The following PLXNA1 variants were observed in gnomAD, a reference collection of about 807,000 sequenced individuals.
PLXNA1 encodes the protein plexin A1, also known as plexin-A1.
PLXNA1 carries 77 observed loss-of-function variants against 191.7 expected under a neutral mutation model. The observed-to-expected ratio is 0.40, with a 90% CI of 0.33 to 0.49. The LOEUF (loss-of-function observed/expected upper bound fraction) is 0.49. PLXNA1 is among the 20% of genes least tolerant of loss of function. PLXNA1 has a pLI of 0.63. For missense variants in PLXNA1, 2,110 were observed against 2,660.2 expected (o/e 0.79, Z 4.55); for synonymous variants, 1,137 against 1,156.4 (o/e 0.98, Z 0.34).
intron 8 of PLXNA1, among the ~76,000 whole-genome samples, chr3:127,007,578 G>A (rs533311615): frequency 5.3e-5 from 8 of 152,186 alleles, no homozygotes; most frequent in Non-Finnish European, 1.2e-4. Flanking sequence ...GCAAGAAGGT[G>A]GGGAGGCAAG....
At chr3:127,018,608 C>T (rs980260757) in intron 20 of PLXNA1, 80 bp downstream of exon 20, 18 of 1,062,642 alleles carry the variant, frequency 1.7e-5, no homozygotes, top group East Asian at 1.0e-4. Context: ...TACTTCCCAC[C>T]GCCGCCCCCA....
intron 3 of PLXNA1, among the ~76,000 whole-genome samples, chr3:126,996,515 G>A (rs1241948054): frequency 6.6e-6 from 1 of 152,208 alleles, no homozygotes; most frequent in Non-Finnish European, 1.5e-5. Context: ...AGCCTCTTCA[G>A]GTCTGTAGTG....
At chr3:127,013,381 C>T (rs1246786588) in intron 10 of PLXNA1, among the ~76,000 whole-genome samples, 3 of 152,254 alleles carry the variant, frequency 2.0e-5, no homozygotes, top group South Asian at 2.1e-4. Flanking sequence ...GATGAATTGC[C>T]GGGCCGCCCC....
chr3:126,988,850 C>T lies in PLXNA1; in HGVS notation c.257C>T (p.Thr86Met), dbSNP rs772775949. The T allele has an allele frequency of 9.3e-6, 15 of 1,613,390 alleles. No individual in the cohort carries two copies. Among genetic ancestry groups the T allele is most frequent in the Non-Finnish European group, 1.2e-5 (14 of 1,179,996 alleles). Residue 86 changes from threonine to methionine, a missense_variant, in exon 2 of 32, where the codon ACG becomes ATG. This residue lies in a region of PLXNA1 where 903 missense variants were observed against 1,015.7 expected (regional missense o/e 0.89). Transcript: ENST00000393409. ...GNLTLLRAHVTGPVEDNEKCY... is the reference protein window; with the variant it reads ...GNLTLLRAHVMGPVEDNEKCY... Reference sequence around the variant, plus strand: ...CTGACACTGCTGCGGGCCCACGTCACGGGCCCTGTGGAGGACAACGAGAAG... The same window carrying T: ...CTGACACTGCTGCGGGCCCACGTCATGGGCCCTGTGGAGGACAACGAGAAG...
At chr3:127,013,600 C>T (rs114569222) in intron 10 of PLXNA1, among the ~76,000 whole-genome samples, 259 of 152,346 alleles carry the variant, frequency 1.7e-3, no homozygotes, top group African/African-American at 5.9e-3. Flanking sequence ...TCCGGGGACA[C>T]GGATCTCCCA....
In PLXNA1 at chr3:127,032,435, G is replaced by C. The variant is rs1194481923; in HGVS notation, c.5280G>C (p.Val1760=). 8 of 1,613,992 alleles carry C rather than the reference G, an allele frequency of 5.0e-6. 1 individual carries two copies. The highest frequency in any genetic ancestry group is 1.7e-6 in the Non-Finnish European group (2 of 1,180,008). Residue 1760 remains valine, a synonymous_variant, in exon 30 of 32, where the codon GTG becomes GTC. Coordinates refer to ENST00000393409, the MANE Select transcript of PLXNA1 (RefSeq NM_032242.4). Reference sequence around the variant, plus strand: ...ACGTGATCAAGAACCCACAGTTTGTGTTCGACATTCACAAGAACAGCATCA... The same window carrying C: ...ACGTGATCAAGAACCCACAGTTTGTCTTCGACATTCACAAGAACAGCATCA... ...WVNVIKNPQF[V]FDIHKNSITD... is the part of the protein sequence containing the mutation.
In PLXNA1 at chr3:127,005,093, G is replaced by A. The variant is rs773489726; in HGVS notation, c.1747G>A (p.Val583Met). 5 of 1,612,594 alleles carry A rather than the reference G, an allele frequency of 3.1e-6. No individual in the cohort carries two copies. In the Admixed American group the frequency reaches 8.3e-5, roughly 27 times the overall value. Reference sequence around the variant, plus strand: ...ATGCCTCCTGCTGCCTGCCCAGCTTGTGCTGCAGGCCTGGAACGTGCCTGA... The same window carrying A: ...ATGCCTCCTGCTGCCTGCCCAGCTTATGCTGCAGGCCTGGAACGTGCCTGA... ...VSVTMSQVPLVLQAWNVPDLS... is the reference protein window; with the variant it reads ...VSVTMSQVPLMLQAWNVPDLS... The change falls in exon 7 of 32, where the codon GTG (valine) becomes ATG (methionine). Residue 583 changes from valine to methionine, a missense_variant. Around this residue, in one of 4 missense-constraint regions of PLXNA1, gnomAD observed 903 missense variants for 1,015.7 expected, o/e 0.89. Coordinates refer to ENST00000393409, the MANE Select transcript of PLXNA1 (RefSeq NM_032242.4).
Position 127,014,162 on chromosome 3 carries a change from G to T in PLXNA1, c.2411-20G>T. 6.2e-7 allele frequency: 1 copy of T among 1,612,002 alleles called. No individual in the cohort carries two copies. The highest frequency in any genetic ancestry group is 1.1e-5 in the South Asian group (1 of 91,022). The stretch of plus-strand genomic sequence containing the variant: ...GGTGGGCAGTGGGCGGGCCCGAGCT[G>T]ACCGCACCCCTCCCCACAGCGCACC... On this transcript the variant is annotated intron_variant, in intron 11 of 31. Transcript: ENST00000393409.
chr3:127,023,288 G>A (rs1443171443), intron 23 of PLXNA1, among the ~76,000 whole-genome samples: 2 of 152,216 alleles, frequency 1.3e-5, no homozygotes, highest in South Asian at 2.1e-4. Context: ...CAGGGTGTAG[G>A]CCAGAGACTG....
At chr3:127,027,841 C>T (rs1002095513) in intron 23 of PLXNA1, 99 bp from the exon 24 acceptor site, 24 of 1,525,612 alleles carry the variant, frequency 1.6e-5, no homozygotes, top group Non-Finnish European at 2.1e-5. Flanking sequence ...CTCATTTCTC[C>T]TTGCCAGGAA....
At chr3:127,027,198 T>C (rs540712916) in intron 23 of PLXNA1, 14 of 194,718 alleles carry the variant, frequency 7.2e-5, no homozygotes, top group Admixed American at 2.1e-4. Flanking sequence ...TTTCTGGTTG[T>C]AGAGGCAGCA....
intron 14 of PLXNA1, among the ~76,000 whole-genome samples, 156 bp downstream of exon 14, chr3:127,014,987 A>G (rs1273255740): frequency 6.6e-6 from 1 of 151,896 alleles, no homozygotes; most frequent in Non-Finnish European, 1.5e-5. Flanking sequence ...TGCCTAGGCC[A>G]GCTCCAGGGC....
chr3:127,013,410 C>T (rs2079105508), intron 10 of PLXNA1, among the ~76,000 whole-genome samples: 1 of 152,216 alleles, frequency 6.6e-6, no homozygotes, highest in Non-Finnish European at 1.5e-5. Flanking sequence ...GCTGGGCTCC[C>T]TGCACCGTCC....
In PLXNA1 at chr3:127,032,677, C is replaced by A; in HGVS notation, c.5445-9C>A. 6.2e-7 allele frequency: 1 copy of A among 1,612,744 alleles called. No homozygotes were observed. The highest frequency in any genetic ancestry group is 1.1e-5 in the South Asian group (1 of 91,038). On this transcript the variant is annotated splice_polypyrimidine_tract_variant and intron_variant, in intron 30 of 31. Coordinates refer to ENST00000393409, the MANE Select transcript of PLXNA1 (RefSeq NM_032242.4). ...CTGCTCATGTGCCCACCTGGCCACT[C>A]ACCTGCAGGTACTATGCAGACATCG...
At position 127,035,737 on chromosome 3, in the gene PLXNA1, C is replaced by T. The variant is rs1054089217; in HGVS notation, c.*1720C>T. 1 of 152,472 alleles carries T rather than the reference C, an allele frequency of 6.6e-6. No individual in the cohort carries two copies. The highest frequency in any genetic ancestry group is 6.5e-5 in the Admixed American group (1 of 15,286). The allele number at this position is 152,472 out of a possible 1,614,324, so 9.4% of individuals were successfully genotyped here. A position where few individuals can be genotyped will look rare whatever the true frequency, so the allele number is the denominator to read the frequency against. On this transcript the variant is annotated 3_prime_UTR_variant, in exon 32 of 32. Coordinates refer to ENST00000393409, the MANE Select transcript of PLXNA1 (RefSeq NM_032242.4). ...ACTGTGGCCAGACTCAGCCCCATGT[C>T]CTTGGCCAGGCCCAAGGAGAGGACT...
Position 126,991,371 on chromosome 3 carries a change from C to T in PLXNA1, c.1195-13C>T, listed in dbSNP as rs1187243553. On this transcript the variant is annotated splice_polypyrimidine_tract_variant and intron_variant, in intron 2 of 31. Transcript: ENST00000393409. Reference sequence around the variant, plus strand: ...TGCCCGGGGAGTGGCTCTCACCCTGCCCCTTCCCACAGCCCCTGCAGATCG... The same window carrying T: ...TGCCCGGGGAGTGGCTCTCACCCTGTCCCTTCCCACAGCCCCTGCAGATCG... 6.2e-7 allele frequency: 1 copy of T among 1,611,906 alleles called. No homozygotes were observed. The highest frequency in any genetic ancestry group is 1.1e-5 in the South Asian group (1 of 90,926).
chr3:127,022,651 G>A, intron 22 of PLXNA1, 101 bp from the exon 23 acceptor site: 2 of 1,098,294 alleles, frequency 1.8e-6, no homozygotes, highest in South Asian at 1.3e-5. Context: ...TGTAGGAAGG[G>A]GGGCAGGGTG....
Position 126,988,570 on chromosome 3 carries a change from C to T in PLXNA1, c.-24C>T, listed in dbSNP as rs1464682775. The T allele has an allele frequency of 2.9e-5, 42 of 1,463,286 alleles. No homozygotes were observed. Among genetic ancestry groups the T allele is most frequent in the Non-Finnish European group, 3.2e-5 (36 of 1,111,420 alleles). 90.6% of individuals were successfully genotyped at this position (1,463,286 alleles called of 1,614,324 possible). On this transcript the variant is annotated 5_prime_UTR_variant, in exon 2 of 32. An upstream open reading frame in the 5' UTR gains an earlier in-frame stop. Coordinates refer to ENST00000393409, the MANE Select transcript of PLXNA1 (RefSeq NM_032242.4). Reference sequence around the variant, plus strand: ...GCTCACCCCAGCAGGACCAGAGCACCGAGGCCCAAGGCCCCAGCCTGCCAT... The same window carrying T: ...GCTCACCCCAGCAGGACCAGAGCACTGAGGCCCAAGGCCCCAGCCTGCCAT...
intron 3 of PLXNA1, 115 bp downstream of exon 3, chr3:126,991,681 G>A (rs965426561): frequency 4.4e-5 from 50 of 1,142,632 alleles, no homozygotes; most frequent in East Asian, 8.2e-5. Flanking sequence ...TAGATCTGGC[G>A]TACAGGGGGC....
Sources: gnomAD v4.1 joint callset for allele counts (sites outside exome capture counted in the v4.1 genomes callset) on GRCh38, gnomAD v4.1.1 for gene constraint, gnomAD v4.1.1 regional missense constraint, MANE v1.5 for transcripts, NCBI Gene and HGNC (gene_info 2026-07-23, HGNC 2026-07-21) for gene names.